TBCD: variants seen among roughly 807,000 people sequenced by gnomAD.
The protein encoded by TBCD is tubulin folding cofactor D.
A neutral mutation model predicts 169.3 loss-of-function variants in TBCD; 105 were observed. The observed-to-expected ratio is 0.62, with a 90% confidence interval of 0.53 to 0.73. The LOEUF (loss-of-function observed/expected upper bound fraction) is 0.73, where lower values mean the gene tolerates loss of function less well. Among genes scored for constraint, TBCD ranks in the 30% least tolerant of loss-of-function variants. The pLI, the probability that TBCD is intolerant of heterozygous loss-of-function variation, is 0.00. For missense variants in TBCD, 1,444 were observed against 1,600.1 expected, an observed-to-expected ratio of 0.90 and a Z score of 1.66; for synonymous variants, 700 against 643.9, an observed-to-expected ratio of 1.09 and a Z score of -1.32.
At chr17:82,830,253 T>TACAA in intron 13 of TBCD, 1 of 1,614,242 alleles carries the variant, frequency 6.2e-7, no homozygotes, top group Non-Finnish European at 8.5e-7. Context: ...TTGTCCTCTT[T>TACAA]TGTCCTTTGG....
chr17:82,796,480 G>T (rs2050114990), intron 7 of TBCD, among the ~76,000 whole-genome samples: 1 of 152,194 alleles, frequency 6.6e-6, no homozygotes, highest in South Asian at 2.1e-4. Flanking sequence ...AAGAGAAAGG[G>T]GCTAAGTCTC....
chr17:82,810,144 C>G (rs568088720), intron 12 of TBCD, among the ~76,000 whole-genome samples: 1 of 152,262 alleles, frequency 6.6e-6, no homozygotes, highest in Admixed American at 6.5e-5. Flanking sequence ...TCACTCAGAC[C>G]TTGAAGTGAG....
rs532952035 is a variant in TBCD at position 82,877,064 on chromosome 17, TA to T, written c.1475+6686del. 1.8e-3 allele frequency: 1,375 copies of T among 773,228 alleles called. 3 individuals carry two copies. The highest frequency in any genetic ancestry group is 2.1e-3 in the Non-Finnish European group (1,343 of 636,308). 47.9% of individuals were successfully genotyped at this position (773,228 alleles called of 1,614,324 possible). ...TCAATGTTCCACACTTTAAATATAG[TA>T]ATTTAAACAAATAACACATTTCAAG... On this transcript the variant is annotated intron_variant, in intron 14 of 38. Coordinates refer to ENST00000355528, the MANE Select transcript of TBCD (RefSeq NM_005993.5).
At chr17:82,888,227 CGT>C (rs959133952) in intron 15 of TBCD, among the ~76,000 whole-genome samples, 3 of 152,214 alleles carry the variant, frequency 2.0e-5, no homozygotes, top group Non-Finnish European at 4.4e-5. Context: ...GGTTGGTCTG[CGT>C]GTCTGTTCTG....
intron 2 of TBCD, among the ~76,000 whole-genome samples, chr17:82,757,636 A>C (rs1231324686): frequency 2.7e-5 from 4 of 145,530 alleles, no homozygotes; most frequent in South Asian, 2.1e-4. Context: ...AAAAAAAAAA[A>C]CCAAAAAAAA....
chr17:82,910,445 A>T (rs1371227634), intron 22 of TBCD, among the ~76,000 whole-genome samples: 6 of 152,164 alleles, frequency 3.9e-5, no homozygotes, highest in African/African-American at 1.4e-4. Context: ...CTCATTAAAA[A>T]TTTTATCGTC....
At chr17:82,844,035 C>T (rs2054781845) in intron 13 of TBCD, among the ~76,000 whole-genome samples, 1 of 152,210 alleles carries the variant, frequency 6.6e-6, no homozygotes. Context: ...TTCAACACTT[C>T]TGTTAAGTAC....
intron 17 of TBCD, among the ~76,000 whole-genome samples, chr17:82,898,845 C>T (rs2059671943): frequency 6.9e-6 from 1 of 145,600 alleles, no homozygotes; most frequent in South Asian, 2.1e-4. Flanking sequence ...ACATAATTTA[C>T]ACGCTTTCAG....
chr17:82,942,363 C>A, intron 38 of TBCD, 86 bp from the exon 39 acceptor site: 1 of 1,591,304 alleles, frequency 6.3e-7, no homozygotes, highest in Non-Finnish European at 8.6e-7. Flanking sequence ...AGTCCCCACA[C>A]AGGGCCCAGA....
chr17:82,931,784 G>C (rs1485909301), intron 33 of TBCD, among the ~76,000 whole-genome samples: 1 of 152,224 alleles, frequency 6.6e-6, no homozygotes, highest in Non-Finnish European at 1.5e-5. Context: ...GACCTCCCCA[G>C]CCTCCTTTTC....
chr17:82,906,115 C>T (rs558445189), intron 20 of TBCD, 62 bp downstream of exon 20: 12 of 1,296,108 alleles, frequency 9.3e-6, no homozygotes, highest in East Asian at 2.5e-5. Context: ...ACCATGTAAT[C>T]ACAGTGCTCT....
rs1730488277 is a variant in TBCD, at chr17:82,886,290, T to A, written c.1533+2088T>A. On this transcript the variant is annotated intron_variant, in intron 15 of 38. Transcript: ENST00000355528. ...GCGACTCAGGCAGTCAGTGTGTGAG[T>A]GAGTTTGTGAAAACAGTTCCAGCTG... The A allele has an allele frequency of 2.0e-5, 3 of 152,188 alleles. No homozygotes were observed. The South Asian group carries it at 6.2e-4, about 32-fold the overall frequency. The allele number at this position is 152,188 out of a possible 1,614,324, so 9.4% of individuals were successfully genotyped here.
Position 82,927,201 on chromosome 17 carries a change from T to A in TBCD, c.2487T>A (p.Val829=), listed in dbSNP as rs189904059. The change falls in exon 29 of 39, where the codon GTT becomes GTA. Residue 829 remains valine (V), a synonymous_variant. Coordinates refer to ENST00000355528, the MANE Select transcript of TBCD (RefSeq NM_005993.5). ...LKAIARICQT[V]GVKAGAPDEA... ...TAAATTTCAGGATTTGCCAGACTGT[T>A]GGTGTGAAAGCAGGAGCCCCAGACG... The A allele has an allele frequency of 4.3e-6, 7 of 1,614,010 alleles. No individual in the cohort carries two copies. Among genetic ancestry groups the A allele is most frequent in the Non-Finnish European group, 4.2e-6 (5 of 1,179,886 alleles).
Position 82,942,757 on chromosome 17 carries a change from C to CA in TBCD, c.*295dup. On this transcript the variant is annotated 3_prime_UTR_variant, in exon 39 of 39. Coordinates refer to ENST00000355528, the MANE Select transcript of TBCD (RefSeq NM_005993.5). ...TGTGTGTAGGGGTGATGGAAAGGCT[C>CA]ACTGCCCAGGGGTCAGCCAGAGGGG... is the stretch of plus-strand genomic sequence containing the variant. 2 of 521,660 alleles carry CA rather than the reference C, an allele frequency of 3.8e-6. No individual in the cohort carries two copies. The highest frequency in any genetic ancestry group is 5.0e-5 in the South Asian group (2 of 40,278). The allele number at this position is 521,660 out of a possible 1,614,324, so 32.3% of individuals were successfully genotyped here.
Position 82,818,259 on chromosome 17 carries a change from T to C in TBCD, c.1318+3325T>C, listed in dbSNP as rs545400235. Among the ~76,000 whole-genome samples the C allele has an allele frequency of 1.2e-3, 179 of 152,342 alleles. 2 individuals carry two copies. Among genetic ancestry groups the C allele is most frequent in the African/African-American group, 4.1e-3 (171 of 41,586 alleles). Reference sequence around the variant, plus strand: ...CCCTCCATGTGAGCTGAACCCTCTTTGCAGCCCCCATTCTGTTCCTGGTGG... The same window carrying C: ...CCCTCCATGTGAGCTGAACCCTCTTCGCAGCCCCCATTCTGTTCCTGGTGG... On this transcript the variant is annotated intron_variant, in intron 13 of 38. Transcript: ENST00000355528.
At chr17:82,807,518 C>A in intron 10 of TBCD, 90 bp from the exon 11 acceptor site, 1 of 887,646 alleles carries the variant, frequency 1.1e-6, no homozygotes, top group Non-Finnish European at 1.5e-6. Flanking sequence ...GGCGTGTGCA[C>A]TGAGTAGCGT....
chr17:82,763,964 G>A lies in TBCD; in HGVS notation c.236-1G>A. On this transcript the variant is annotated splice_acceptor_variant, in intron 2 of 38. Transcript: ENST00000355528. LOFTEE classifies it high-confidence loss of function. ...TAAATGTTTCCTATGTTTTTCCCTAGAATGGATGATGAACTTGTTGTTGGA... is the reference window on the plus strand; with the variant it reads ...TAAATGTTTCCTATGTTTTTCCCTAAAATGGATGATGAACTTGTTGTTGGA... 6.2e-7 allele frequency: 1 copy of A among 1,613,048 alleles called. No individual in the cohort carries two copies. The highest frequency in any genetic ancestry group is 8.5e-7 in the Non-Finnish European group (1 of 1,179,222).
At chr17:82,837,715 C>T (rs894217458) in intron 13 of TBCD, among the ~76,000 whole-genome samples, 1 of 152,230 alleles carries the variant, frequency 6.6e-6, no homozygotes, top group African/African-American at 2.4e-5. Flanking sequence ...GGACATGCCA[C>T]AGAGCTTCCA....
At chr17:82,906,472 A>G (rs1234913087) in intron 20 of TBCD, among the ~76,000 whole-genome samples, 2 of 152,242 alleles carry the variant, frequency 1.3e-5, no homozygotes, top group Non-Finnish European at 2.9e-5. Flanking sequence ...GCCAGAGAAT[A>G]TACACGTTTC....
Sources: allele counts gnomAD v4.1 joint callset (sites outside exome capture counted in the v4.1 genomes callset), GRCh38; gene constraint gnomAD v4.1.1; transcripts MANE v1.5; gene names NCBI Gene and HGNC (gene_info 2026-07-23, HGNC 2026-07-21).